Variants in GRIP1 observed in about 807,000 individuals in gnomAD.
The protein encoded by GRIP1 is glutamate receptor-interacting protein 1.
In GRIP1, 45 loss-of-function variants were observed where a neutral mutation model predicts 129.9. The ratio of observed to expected loss-of-function variants is 0.35; its 90% CI spans 0.27 to 0.44. GRIP1 has a LOEUF of 0.44. GRIP1 is among the 20% of genes least tolerant of loss of function. The pLI is 1.00. For missense variants in GRIP1, 1,196 were observed against 1,396.8 expected (o/e 0.86, Z 2.29); for synonymous variants, 530 against 520.8 (o/e 1.02, Z -0.24).
At chr12:66,904,889 T>TCAA (rs2040904588) in intron 1 of GRIP1, among the ~76,000 whole-genome samples, 1 of 110,068 alleles carries the variant, frequency 9.1e-6, no homozygotes, top group East Asian at 3.3e-4. Context: ...AGACTCCGTC[T>TCAA]CAAAAAAAAA....
intron 16 of GRIP1, among the ~76,000 whole-genome samples, chr12:66,400,714 G>A (rs558155742): frequency 3.3e-5 from 5 of 152,212 alleles, no homozygotes; most frequent in African/African-American, 7.2e-5. Context: ...CAAACCAAGC[G>A]AGAAATCATT....
At chr12:66,942,763 C>G (rs1028751356) in intron 1 of GRIP1, among the ~76,000 whole-genome samples, 18 of 152,196 alleles carry the variant, frequency 1.2e-4, no homozygotes, top group African/African-American at 4.1e-4. Flanking sequence ...AATCCTAACC[C>G]CTAATGGCAT....
At chr12:66,613,762 C>G (rs868481743) in intron 1 of GRIP1, among the ~76,000 whole-genome samples, 4 of 152,136 alleles carry the variant, frequency 2.6e-5, no homozygotes, top group Non-Finnish European at 5.9e-5. Context: ...TGTTCTTTCC[C>G]TGAATCACTA....
At chr12:66,741,935 T>C (rs1277705548) in intron 1 of GRIP1, among the ~76,000 whole-genome samples, 2 of 152,182 alleles carry the variant, frequency 1.3e-5, no homozygotes, top group Admixed American at 6.6e-5. Context: ...TTTCTTTTCA[T>C]TGCTTCCCAA....
intron 1 of GRIP1, among the ~76,000 whole-genome samples, chr12:66,733,983 G>A (rs2036517950): frequency 6.8e-6 from 1 of 146,528 alleles, no homozygotes; most frequent in African/African-American, 2.8e-5. Context: ...CTTTTTTCAG[G>A]AGAGAGGTGG....
At chr12:67,001,510 A>G (rs1490296666) in intron 1 of GRIP1, among the ~76,000 whole-genome samples, 1 of 152,170 alleles carries the variant, frequency 6.6e-6, no homozygotes, top group East Asian at 1.9e-4. Flanking sequence ...TTTGGCTCAC[A>G]TCGTGTGATC....
chr12:66,508,635 G>C (rs2060610059), intron 7 of GRIP1, among the ~76,000 whole-genome samples: 1 of 152,038 alleles, frequency 6.6e-6, no homozygotes, highest in African/African-American at 2.4e-5. Context: ...ACAACAGTGG[G>C]AAAGCTCAGG....
chr12:66,723,285 TTTC>T (rs1416285958), intron 1 of GRIP1, among the ~76,000 whole-genome samples: 1 of 22,236 alleles, frequency 4.5e-5, no homozygotes, highest in African/African-American at 3.8e-4. Flanking sequence ...CCTTCCTTCC[TTTC>T]TTTCTTTCTT....
chr12:66,480,789 C>T (rs1194243849), intron 7 of GRIP1, among the ~76,000 whole-genome samples: 1 of 152,112 alleles, frequency 6.6e-6, no homozygotes, highest in Non-Finnish European at 1.5e-5. Context: ...TTTGAAAAAC[C>T]TGACAAAAAC....
At chr12:67,009,555 A>C (rs915140561) in intron 1 of GRIP1, among the ~76,000 whole-genome samples, 2 of 152,156 alleles carry the variant, frequency 1.3e-5, no homozygotes, top group African/African-American at 4.8e-5. Flanking sequence ...AAGTATTAAC[A>C]CCTGCAGTCC....
At chr12:66,432,465 C>G (rs115938538) in intron 14 of GRIP1, 83 bp downstream of exon 14, 1 of 822,924 alleles carries the variant, frequency 1.2e-6, no homozygotes, top group Non-Finnish European at 2.0e-6. Flanking sequence ...ACATATAAAA[C>G]ATTTGTTACA....
At chr12:66,538,443 G>A (rs960581042) in intron 4 of GRIP1, among the ~76,000 whole-genome samples, 3 of 151,768 alleles carry the variant, frequency 2.0e-5, no homozygotes, top group Non-Finnish European at 2.9e-5. Context: ...TGATCCTCCC[G>A]CCTCAGCCTT....
intron 7 of GRIP1, among the ~76,000 whole-genome samples, chr12:66,485,982 G>A (rs11176225): frequency 0.58 from 88,505 of 151,642 alleles, 26,657 homozygotes; most frequent in Middle Eastern, 0.77. Flanking sequence ...TCTTTTCTTC[G>A]TGTGTCAGTA....
At chr12:66,613,781 C>T (rs1480707786) in intron 1 of GRIP1, among the ~76,000 whole-genome samples, 2 of 152,152 alleles carry the variant, frequency 1.3e-5, no homozygotes, top group African/African-American at 4.8e-5. Context: ...TATTAGGGTG[C>T]AGTCACTTTT....
At chr12:66,812,239 T>G (rs749956399) in intron 1 of GRIP1, among the ~76,000 whole-genome samples, 1 of 152,204 alleles carries the variant, frequency 6.6e-6, no homozygotes, top group Non-Finnish European at 1.5e-5. Flanking sequence ...GTTCAAGCAA[T>G]TCTCCAGCCT....
intron 1 of GRIP1, among the ~76,000 whole-genome samples, chr12:66,610,089 A>T (rs1414540443): frequency 6.6e-6 from 1 of 152,100 alleles, no homozygotes; most frequent in Non-Finnish European, 1.5e-5. Flanking sequence ...TTGAAACATA[A>T]TTTTTATGAA....
intron 1 of GRIP1, among the ~76,000 whole-genome samples, chr12:67,061,472 C>CTTTCTGATT (rs746448338): frequency 1.4e-4 from 22 of 152,206 alleles, no homozygotes; most frequent in Non-Finnish European, 2.8e-4. Context: ...TAAACTCCAG[C>CTTTCTGATT]TTTCTGATTT....
At chr12:66,815,425 C>G (rs952027647) in intron 1 of GRIP1, among the ~76,000 whole-genome samples, 2 of 152,122 alleles carry the variant, frequency 1.3e-5, no homozygotes, top group Admixed American at 6.6e-5. Context: ...AAGGATGACT[C>G]TATTAGTTTG....
intron 2 of GRIP1, among the ~76,000 whole-genome samples, chr12:66,554,667 C>G (rs1565856881): frequency 6.6e-6 from 1 of 152,094 alleles, no homozygotes; most frequent in Non-Finnish European, 1.5e-5. Context: ...GCCCACTGCC[C>G]TGAAGGGAGA....
Sources: gnomAD v4.1 joint callset for allele counts (sites outside exome capture counted in the v4.1 genomes callset) on GRCh38, gnomAD v4.1.1 for gene constraint, MANE v1.5 for transcripts, NCBI Gene and HGNC (gene_info 2026-07-23, HGNC 2026-07-21) for gene names.